The following XPO4 variants were observed in gnomAD, a reference collection of about 807,000 sequenced individuals.
XPO4 encodes exportin-4.
XPO4 carries 39 observed loss-of-function variants against 143.0 expected under a neutral mutation model. The observed-to-expected ratio is 0.27, with a 90% CI of 0.21 to 0.36. The LOEUF (loss-of-function observed/expected upper bound fraction) is 0.36. XPO4 is among the 10% of genes least tolerant of loss of function. XPO4 has a pLI of 1.00. For missense variants in XPO4, 907 were observed against 1,348.0 expected, an observed-to-expected ratio of 0.67 and a Z score of 5.12; for synonymous variants, 439 against 474.0, an observed-to-expected ratio of 0.93 and a Z score of 0.96.
intron 12 of XPO4, among the ~76,000 whole-genome samples, chr13:20,807,978 A>G (rs4770073): frequency 0.079 from 12,064 of 152,208 alleles, 977 homozygotes; most frequent in East Asian, 0.3. Flanking sequence ...CATTTTCAAA[A>G]GTCAAGATTT....
intron 1 of XPO4, among the ~76,000 whole-genome samples, chr13:20,890,942 G>T (rs764919665): frequency 1.3e-5 from 2 of 151,276 alleles, no homozygotes. Flanking sequence ...GAGAAACCCC[G>T]TCTCTACTAA....
At chr13:20,842,795 A>G in intron 6 of XPO4, 100 bp downstream of exon 6, 2 of 1,083,292 alleles carry the variant, frequency 1.8e-6, no homozygotes, top group Admixed American at 3.0e-5. Context: ...TTTTCTTTCA[A>G]TATGTTTTAT....
chr13:20,902,502 G>C (rs992242130), intron 1 of XPO4, 168 bp downstream of exon 1: 1 of 985,310 alleles, frequency 1.0e-6, no homozygotes, highest in African/African-American at 1.7e-5. Context: ...ACGGCAGGAG[G>C]AAAGTAGGCT....
At chr13:20,799,823 C>G (rs772636848) in intron 15 of XPO4, among the ~76,000 whole-genome samples, 17 of 152,146 alleles carry the variant, frequency 1.1e-4, no homozygotes, top group Non-Finnish European at 1.8e-4. Flanking sequence ...AGTATTTAAT[C>G]TTTAAAATGG....
At chr13:20,785,431 G>A (rs1019096551) in intron 22 of XPO4, among the ~76,000 whole-genome samples, 5 of 152,066 alleles carry the variant, frequency 3.3e-5, no homozygotes, top group Admixed American at 6.5e-5. Flanking sequence ...TAGGCACTTT[G>A]GGAGGCCGAG....
At chr13:20,848,091 A>G (rs2060045541) in intron 4 of XPO4, 3 of 373,714 alleles carry the variant, frequency 8.0e-6, no homozygotes, top group Non-Finnish European at 1.1e-5. Flanking sequence ...TGTCTGCTTC[A>G]TAGCTTTTCT....
intron 1 of XPO4, among the ~76,000 whole-genome samples, chr13:20,887,705 A>G (rs2060473748): frequency 6.6e-6 from 1 of 151,890 alleles, no homozygotes; most frequent in South Asian, 2.1e-4. Flanking sequence ...AAATAAAAAA[A>G]TTTCAATTAG....
At chr13:20,811,515 T>G (rs2059581943) in intron 9 of XPO4, among the ~76,000 whole-genome samples, 1 of 152,106 alleles carries the variant, frequency 6.6e-6, no homozygotes, top group Non-Finnish European at 1.5e-5. Flanking sequence ...CTCGAACTCC[T>G]GGCCTCAAGG....
chr13:20,829,760 G>A (rs1325807593), intron 6 of XPO4, among the ~76,000 whole-genome samples: 1 of 152,146 alleles, frequency 6.6e-6, no homozygotes, highest in Non-Finnish European at 1.5e-5. Flanking sequence ...GTATAATACA[G>A]CAAGGGGGGC....
At chr13:20,806,338 T>C (rs1265259547) in intron 13 of XPO4, among the ~76,000 whole-genome samples, 1 of 152,178 alleles carries the variant, frequency 6.6e-6, no homozygotes, top group African/African-American at 2.4e-5. Context: ...ACATTTTCTA[T>C]TGCATGTTTA....
At chr13:20,838,055 A>G (rs2059936078) in intron 6 of XPO4, among the ~76,000 whole-genome samples, 1 of 152,102 alleles carries the variant, frequency 6.6e-6, no homozygotes, top group Admixed American at 6.5e-5. Context: ...CTGGGATTAA[A>G]AGCGTGAGCC....
rs954511913 is a variant in XPO4, at chr13:20,777,839, G to A, written c.*5883C>T. 1 of 152,188 alleles carries A rather than the reference G, an allele frequency of 6.6e-6. No individual in the cohort carries two copies. Among genetic ancestry groups the A allele is most frequent in the Non-Finnish European group, 1.5e-5 (1 of 68,040 alleles). 9.4% of individuals were successfully genotyped at this position (152,188 alleles called of 1,614,324 possible). On this transcript the variant is annotated 3_prime_UTR_variant, in exon 23 of 23. Transcript: ENST00000255305. ...TAATTTACAGGGACACTCAGTAGGA[G>A]GTTGAATTATACGCCAGACTGAGAC...
intron 6 of XPO4, among the ~76,000 whole-genome samples, chr13:20,831,614 ATTTT>A (rs2059852740): frequency 6.6e-6 from 1 of 152,110 alleles, no homozygotes; most frequent in Admixed American, 6.6e-5. Context: ...TGCAATTTAT[ATTTT>A]TATCAGAATA....
At chr13:20,891,058 T>C (rs1212438730) in intron 1 of XPO4, among the ~76,000 whole-genome samples, 1 of 141,884 alleles carries the variant, frequency 7.0e-6, no homozygotes, top group African/African-American at 2.7e-5. Flanking sequence ...TGGAGGTTGC[T>C]GTAAGCCAAG....
intron 1 of XPO4, among the ~76,000 whole-genome samples, chr13:20,871,718 G>A (rs931355805): frequency 6.6e-6 from 1 of 152,070 alleles, no homozygotes; most frequent in Admixed American, 6.5e-5. Flanking sequence ...CCATAATTGT[G>A]CAAATTAATA....
At chr13:20,900,616 C>G (rs995047543) in intron 1 of XPO4, among the ~76,000 whole-genome samples, 9 of 139,852 alleles carry the variant, frequency 6.4e-5, no homozygotes, top group Non-Finnish European at 1.4e-4. Context: ...AAAGTCATTT[C>G]CTTTTTTTTT....
At chr13:20,838,698 T>G (rs186016294) in intron 6 of XPO4, among the ~76,000 whole-genome samples, 1 of 151,524 alleles carries the variant, frequency 6.6e-6, no homozygotes, top group Non-Finnish European at 1.5e-5. Context: ...GATAGATCAC[T>G]GCAACTTCAA....
At chr13:20,788,051 TTTTTTG>T (rs2059229947) in intron 20 of XPO4, among the ~76,000 whole-genome samples, 1 of 130,656 alleles carries the variant, frequency 7.7e-6, no homozygotes, top group African/African-American at 3.2e-5. Flanking sequence ...AGTTTTTTGT[TTTTTTG>T]TTTTTTTTTT....
At chr13:20,786,912 C>T (rs1250476993) in intron 22 of XPO4, 53 bp downstream of exon 22, 1 of 1,463,594 alleles carries the variant, frequency 6.8e-7, no homozygotes, top group African/African-American at 1.4e-5. Flanking sequence ...TCTCAACAAT[C>T]TCTTTGCAAA....
Sources: allele counts gnomAD v4.1 joint callset (sites outside exome capture counted in the v4.1 genomes callset), GRCh38; gene constraint gnomAD v4.1.1; transcripts MANE v1.5; gene names NCBI Gene and HGNC (gene_info 2026-07-23, HGNC 2026-07-21).